Variants in ADGRL3 observed in about 807,000 individuals in gnomAD.
ADGRL3 encodes the protein adhesion G protein-coupled receptor L3.
In ADGRL3, 62 loss-of-function variants were observed where a neutral mutation model predicts 153.5. The ratio of observed to expected loss-of-function variants is 0.40; its 90% CI spans 0.33 to 0.50. The LOEUF (loss-of-function observed/expected upper bound fraction) is 0.50. Among genes scored for constraint, ADGRL3 ranks in the 20% least tolerant of loss-of-function variants. The pLI is 0.47. For missense variants in ADGRL3, 1,641 were observed against 1,859.4 expected (o/e 0.88, Z 2.16); for synonymous variants, 710 against 672.5 (o/e 1.06, Z -0.86).
intron 1 of ADGRL3, among the ~76,000 whole-genome samples, chr4:61,205,926 T>C (rs1045686978): frequency 1.3e-5 from 2 of 152,216 alleles, no homozygotes; most frequent in Non-Finnish European, 2.9e-5. Flanking sequence ...CATGGTCCAA[T>C]AAAATTAATT....
chr4:61,287,761 T>G (rs527972991), intron 1 of ADGRL3, among the ~76,000 whole-genome samples: 1 of 151,948 alleles, frequency 6.6e-6, no homozygotes, highest in South Asian at 2.1e-4. Context: ...GAAGATGACA[T>G]GTACTAATTG....
intron 6 of ADGRL3, among the ~76,000 whole-genome samples, chr4:61,725,292 T>G (rs2151707844): frequency 6.6e-6 from 1 of 152,246 alleles, no homozygotes; most frequent in South Asian, 2.1e-4. Flanking sequence ...TTTGAAAAGT[T>G]GGGGTAATGA....
At chr4:61,340,800 T>C (rs574367474) in intron 1 of ADGRL3, among the ~76,000 whole-genome samples, 3 of 151,564 alleles carry the variant, frequency 2.0e-5, no homozygotes, top group Admixed American at 1.3e-4. Context: ...GTTTGTTTGC[T>C]GTATTATATA....
intron 9 of ADGRL3, among the ~76,000 whole-genome samples, chr4:61,831,670 G>A (rs573605329): frequency 2.0e-5 from 3 of 152,194 alleles, no homozygotes; most frequent in Non-Finnish European, 4.4e-5. Flanking sequence ...TAAATGGCTG[G>A]AAAGTTCATT....
chr4:61,819,812 A>G (rs1172899950), intron 9 of ADGRL3, among the ~76,000 whole-genome samples: 1 of 152,082 alleles, frequency 6.6e-6, no homozygotes, highest in Non-Finnish European at 1.5e-5. Context: ...CTTACTTTTT[A>G]TAATAGTGAT....
At chr4:61,434,177 T>C (rs1204143198) in intron 2 of ADGRL3, among the ~76,000 whole-genome samples, 1 of 152,110 alleles carries the variant, frequency 6.6e-6, no homozygotes, top group Non-Finnish European at 1.5e-5. Flanking sequence ...TTGACAATTA[T>C]TTGTGGAGTG....
intron 17 of ADGRL3, among the ~76,000 whole-genome samples, chr4:61,968,869 T>A (rs1290053146): frequency 6.6e-6 from 1 of 152,160 alleles, no homozygotes; most frequent in Non-Finnish European, 1.5e-5. Context: ...ATGAGTACAG[T>A]CTACTTTAAA....
intron 1 of ADGRL3, among the ~76,000 whole-genome samples, chr4:61,370,946 A>G (rs1167474667): frequency 2.7e-5 from 4 of 150,266 alleles, no homozygotes; most frequent in Non-Finnish European, 6.0e-5. Context: ...TAGGATAGTT[A>G]GCTCTTCTTG....
chr4:61,276,966 G>A (rs1195210995), intron 1 of ADGRL3, among the ~76,000 whole-genome samples: 1 of 152,036 alleles, frequency 6.6e-6, no homozygotes, highest in Non-Finnish European at 1.5e-5. Context: ...TTCAAGTCCT[G>A]TACAAGCTTA....
At chr4:61,522,734 G>T (rs562190759) in intron 4 of ADGRL3, among the ~76,000 whole-genome samples, 1 of 152,204 alleles carries the variant, frequency 6.6e-6, no homozygotes, top group East Asian at 1.9e-4. Flanking sequence ...AAGCCAGAAG[G>T]CCTACATCTA....
intron 1 of ADGRL3, among the ~76,000 whole-genome samples, chr4:61,227,483 A>G (rs1029587971): frequency 6.6e-6 from 1 of 152,106 alleles, no homozygotes; most frequent in African/African-American, 2.4e-5. Context: ...TGCTGGGATT[A>G]TAGGTATAAG....
intron 8 of ADGRL3, 45 bp from the exon 9 acceptor site, chr4:61,813,764 G>T (rs776654999): frequency 9.4e-6 from 15 of 1,602,354 alleles, no homozygotes; most frequent in Admixed American, 1.7e-5. Flanking sequence ...AAAGGGAAAA[G>T]ACATACGTAT....
chr4:61,253,897 A>G (rs1014224198), intron 1 of ADGRL3, among the ~76,000 whole-genome samples: 1 of 152,214 alleles, frequency 6.6e-6, no homozygotes, highest in African/African-American at 2.4e-5. Flanking sequence ...GATGATCTCT[A>G]AATGCTCTTG....
At chr4:61,807,701 G>A (rs1230957434) in intron 8 of ADGRL3, among the ~76,000 whole-genome samples, 1 of 151,882 alleles carries the variant, frequency 6.6e-6, no homozygotes, top group Non-Finnish European at 1.5e-5. Flanking sequence ...TTAATTTTTA[G>A]GTATCATAAT....
intron 1 of ADGRL3, among the ~76,000 whole-genome samples, chr4:61,225,945 C>A: frequency 6.6e-6 from 1 of 152,268 alleles, no homozygotes; most frequent in Non-Finnish European, 1.5e-5. Flanking sequence ...TCACTGCTTT[C>A]TACCTTCTTG....
chr4:61,358,489 A>C (rs1046161048), intron 1 of ADGRL3, among the ~76,000 whole-genome samples: 10 of 148,546 alleles, frequency 6.7e-5, no homozygotes, highest in East Asian at 2.1e-4. Context: ...CCCAGCTACT[A>C]GGGAGGCTGA....
At chr4:61,792,723 C>T (rs1020466492) in intron 8 of ADGRL3, among the ~76,000 whole-genome samples, 1 of 151,886 alleles carries the variant, frequency 6.6e-6, no homozygotes, top group East Asian at 1.9e-4. Flanking sequence ...CTCCTGACCT[C>T]GGGATCTGCC....
chr4:61,591,805 T>C (rs1579724173), intron 5 of ADGRL3, among the ~76,000 whole-genome samples: 1 of 152,082 alleles, frequency 6.6e-6, no homozygotes, highest in Non-Finnish European at 1.5e-5. Context: ...GGCCAGGTGC[T>C]GTGGCTCACA....
chr4:61,359,131 T>C (rs1235467111), intron 1 of ADGRL3, among the ~76,000 whole-genome samples: 3 of 152,216 alleles, frequency 2.0e-5, no homozygotes, highest in African/African-American at 7.2e-5. Context: ...CTATGGCTTC[T>C]ACCTTATGTA....
Sources: allele counts gnomAD v4.1 joint callset (sites outside exome capture counted in the v4.1 genomes callset), GRCh38; gene constraint gnomAD v4.1.1; transcripts MANE v1.5; gene names NCBI Gene and HGNC (gene_info 2026-07-23, HGNC 2026-07-21).